Variants in ZNF804A observed in about 807,000 individuals in gnomAD.
The protein encoded by ZNF804A is zinc finger protein 804A.
ZNF804A carries 2 observed loss-of-function variants against 16.5 expected under a neutral mutation model. The observed-to-expected ratio is 0.12, with a 90% CI of 0.05 to 0.38. The LOEUF (loss-of-function observed/expected upper bound fraction) is 0.38. Among genes scored for constraint, ZNF804A ranks in the 10% least tolerant of loss-of-function variants. The pLI is 0.99. For synonymous variants in ZNF804A, 534 were observed against 489.6 expected, an observed-to-expected ratio of 1.09 and a Z score of -1.20; for missense variants, 1,473 against 1,390.7, an observed-to-expected ratio of 1.06 and a Z score of -0.94.
At chr2:184,771,685 C>A (rs899079908) in intron 1 of ZNF804A, among the ~76,000 whole-genome samples, 15 of 152,042 alleles carry the variant, frequency 9.9e-5, no homozygotes, top group Admixed American at 7.2e-4. Context: ...CTTCAGTTGG[C>A]AGAATTCACT....
At chr2:184,725,093 C>G (rs79518858) in intron 1 of ZNF804A, among the ~76,000 whole-genome samples, 1 of 151,608 alleles carries the variant, frequency 6.6e-6, no homozygotes, top group African/African-American at 2.4e-5. Flanking sequence ...TGATTAGCTA[C>G]TAGGACTAGT....
chr2:184,611,275 C>CT (rs199810737), intron 1 of ZNF804A, among the ~76,000 whole-genome samples: 1 of 152,062 alleles, frequency 6.6e-6, no homozygotes, highest in African/African-American at 2.4e-5. Flanking sequence ...TCAACATATA[C>CT]TTTTTTTGGG....
chr2:184,702,139 C>T (rs1230746374), intron 1 of ZNF804A, among the ~76,000 whole-genome samples: 2 of 151,896 alleles, frequency 1.3e-5, no homozygotes, highest in Non-Finnish European at 2.9e-5. Context: ...ACCTTGTTTT[C>T]ACTGCTATGT....
intron 2 of ZNF804A, among the ~76,000 whole-genome samples, chr2:184,908,207 TG>T (rs1342169017): frequency 6.6e-6 from 1 of 152,160 alleles, no homozygotes; most frequent in African/African-American, 2.4e-5. Context: ...ACTGTTCCCT[TG>T]CCTTTGCCAG....
chr2:184,796,886 A>T (rs1314478064), intron 1 of ZNF804A, among the ~76,000 whole-genome samples: 1 of 152,104 alleles, frequency 6.6e-6, no homozygotes, highest in Non-Finnish European at 1.5e-5. Context: ...TTTTTGACCC[A>T]ATGCTTATTC....
intron 1 of ZNF804A, among the ~76,000 whole-genome samples, chr2:184,672,944 A>G (rs1029951845): frequency 1.1e-4 from 17 of 151,916 alleles, no homozygotes; most frequent in African/African-American, 3.6e-4. Flanking sequence ...GTTTCACCAT[A>G]TTGACTATTG....
intron 1 of ZNF804A, among the ~76,000 whole-genome samples, chr2:184,850,545 T>C (rs1484108542): frequency 1.3e-5 from 2 of 151,840 alleles, no homozygotes; most frequent in Non-Finnish European, 2.9e-5. Context: ...CCTTGATGAA[T>C]CTTTTTTGTA....
At chr2:184,899,811 T>C (rs1222067964) in intron 2 of ZNF804A, among the ~76,000 whole-genome samples, 2 of 151,934 alleles carry the variant, frequency 1.3e-5, no homozygotes, top group Non-Finnish European at 2.9e-5. Context: ...CAAGTGCAAA[T>C]AATGCCTTGT....
intron 1 of ZNF804A, among the ~76,000 whole-genome samples, chr2:184,726,733 A>G (rs572769952): frequency 1.3e-5 from 2 of 151,670 alleles, no homozygotes; most frequent in African/African-American, 4.8e-5. Flanking sequence ...TTTATTATTT[A>G]AATATATATC....
At chr2:184,611,352 C>T (rs1369864418) in intron 1 of ZNF804A, among the ~76,000 whole-genome samples, 1 of 151,696 alleles carries the variant, frequency 6.6e-6, no homozygotes, top group Non-Finnish European at 1.5e-5. Flanking sequence ...TTACCCATAC[C>T]CCAAGAATGT....
At chr2:184,931,204 G>T (rs551846237) in intron 2 of ZNF804A, among the ~76,000 whole-genome samples, 9 of 152,234 alleles carry the variant, frequency 5.9e-5, no homozygotes, top group African/African-American at 2.2e-4. Context: ...CCATTCTGCT[G>T]TCTGGAGGAC....
intron 1 of ZNF804A, among the ~76,000 whole-genome samples, chr2:184,667,879 CTG>C (rs1436601762): frequency 2.6e-5 from 4 of 151,678 alleles, no homozygotes; most frequent in African/African-American, 7.3e-5. Flanking sequence ...ATAAAAATAT[CTG>C]TGTTTTCATA....
intron 1 of ZNF804A, among the ~76,000 whole-genome samples, chr2:184,646,019 T>C (rs1374800926): frequency 6.6e-6 from 1 of 152,074 alleles, no homozygotes; most frequent in African/African-American, 2.4e-5. Context: ...AACTTGGAGA[T>C]ACTGTAAGGG....
rs557592013 is a variant in ZNF804A at position 184,841,935 on chromosome 2, C to A, written c.112-24434C>A. On this transcript the variant is annotated intron_variant, in intron 1 of 3. Coordinates refer to ENST00000302277, the MANE Select transcript of ZNF804A (RefSeq NM_194250.2). ...CCCCAGGCAAATAATCCTTCCCCTT[C>A]GTGTCTTGTTTTTATCATATGTAAA... Among the ~76,000 whole-genome samples the A allele has an allele frequency of 1.2e-4, 18 of 152,124 alleles. 1 individual carries two copies. Among genetic ancestry groups the A allele is most frequent in the South Asian group, 6.2e-4 (3 of 4,814 alleles).
chr2:184,693,305 CCATATATGG>C (rs1692763914), intron 1 of ZNF804A, among the ~76,000 whole-genome samples: 2 of 152,038 alleles, frequency 1.3e-5, no homozygotes, highest in Admixed American at 1.3e-4. Context: ...TATTTAAAAA[CCATATATGG>C]CATACACCTC....
At chr2:184,859,624 G>T (rs1229097076) in intron 1 of ZNF804A, among the ~76,000 whole-genome samples, 1 of 152,140 alleles carries the variant, frequency 6.6e-6, no homozygotes, top group East Asian at 1.9e-4. Context: ...GCTAGTGGGA[G>T]ATTTTGTTCT....
chr2:184,842,756 G>A (rs1275366652), intron 1 of ZNF804A, among the ~76,000 whole-genome samples: 1 of 151,946 alleles, frequency 6.6e-6, no homozygotes, highest in Non-Finnish European at 1.5e-5. Context: ...TATAAGCTCT[G>A]GGAAATTTTA....
chr2:184,905,758 A>G (rs373243327), intron 2 of ZNF804A, among the ~76,000 whole-genome samples: 5 of 152,298 alleles, frequency 3.3e-5, no homozygotes, highest in African/African-American at 1.2e-4. Flanking sequence ...TGGTGAATCT[A>G]GAGAAAATGG....
chr2:184,666,750 G>A (rs1473631677), intron 1 of ZNF804A, among the ~76,000 whole-genome samples: 7 of 151,866 alleles, frequency 4.6e-5, no homozygotes, highest in African/African-American at 1.7e-4. Context: ...TTGCCTTCAC[G>A]GTATTATCAT....
Sources: allele counts gnomAD v4.1 joint callset (sites outside exome capture counted in the v4.1 genomes callset), GRCh38; gene constraint gnomAD v4.1.1; transcripts MANE v1.5; gene names NCBI Gene and HGNC (gene_info 2026-07-23, HGNC 2026-07-21).